The following KLHDC4 variants were observed in gnomAD, a reference collection of about 807,000 sequenced individuals.
KLHDC4 encodes kelch domain-containing protein 4.
KLHDC4 carries 90 observed loss-of-function variants against 62.4 expected under a neutral mutation model. The observed-to-expected ratio is 1.44, with a 90% confidence interval of 1.22 to 1.72. The LOEUF (loss-of-function observed/expected upper bound fraction) is 1.72. Among genes scored for constraint, KLHDC4 ranks in the 40% most tolerant of loss-of-function variants. KLHDC4 has a pLI of 0.00. For synonymous variants in KLHDC4, 386 were observed against 284.4 expected (o/e 1.36, Z -3.59); for missense variants, 1,025 against 699.7 (o/e 1.47, Z -5.25).
intron 1 of KLHDC4, among the ~76,000 whole-genome samples, chr16:87,764,891 A>G (rs1397887834): frequency 6.6e-6 from 1 of 151,600 alleles, no homozygotes. Flanking sequence ...GTCCAACTCC[A>G]TTATTTAAGA....
intron 7 of KLHDC4, among the ~76,000 whole-genome samples, chr16:87,720,465 C>G (rs2038053618): frequency 1.3e-5 from 2 of 152,222 alleles, no homozygotes; most frequent in Admixed American, 6.5e-5. Context: ...ATCAAGAGCA[C>G]AGCTCGGGCA....
intron 5 of KLHDC4, among the ~76,000 whole-genome samples, chr16:87,744,539 T>G (rs1318250318): frequency 2.0e-5 from 3 of 148,566 alleles, no homozygotes; most frequent in African/African-American, 7.5e-5. Flanking sequence ...ACCAAGATTG[T>G]GCTACTGCAC....
chr16:87,754,165 T>C (rs1485067802), intron 4 of KLHDC4, among the ~76,000 whole-genome samples: 2 of 150,000 alleles, frequency 1.3e-5, no homozygotes, highest in African/African-American at 4.9e-5. Flanking sequence ...AAGATTCAAA[T>C]GTAGAAGGCA....
chr16:87,709,822 G>A lies in KLHDC4; in HGVS notation c.1045-155C>T, dbSNP rs1046022665. On this transcript the variant is annotated intron_variant, in intron 9 of 11. Coordinates refer to ENST00000270583, the MANE Select transcript of KLHDC4 (RefSeq NM_017566.4). Reference sequence around the variant, plus strand: ...GGCGCCATCCCTGACTGCCCTGGGTGCAGGCACTGGGCTGCAGGAGCACGC... The same window carrying A: ...GGCGCCATCCCTGACTGCCCTGGGTACAGGCACTGGGCTGCAGGAGCACGC... 9.5e-6 allele frequency: 8 copies of A among 844,730 alleles called. No individual in the cohort carries two copies. In the South Asian group the frequency reaches 1.3e-4, roughly 14 times the overall value. The allele number at this position is 844,730 out of a possible 1,614,324, so 52.3% of individuals were successfully genotyped here.
At chr16:87,720,347 A>AACACAC (rs1455499319) in intron 7 of KLHDC4, among the ~76,000 whole-genome samples, 2 of 152,186 alleles carry the variant, frequency 1.3e-5, no homozygotes, top group African/African-American at 2.4e-5. Context: ...GACGTGTGTG[A>AACACAC]ACACAGAAAC....
intron 2 of KLHDC4, among the ~76,000 whole-genome samples, chr16:87,760,323 C>A (rs563763364): frequency 6.6e-6 from 1 of 150,870 alleles, no homozygotes; most frequent in East Asian, 1.9e-4. Context: ...AAAGTCTCTA[C>A]AGGGCCGGGC....
intron 5 of KLHDC4, among the ~76,000 whole-genome samples, chr16:87,737,363 A>C (rs1457352108): frequency 6.6e-6 from 1 of 151,702 alleles, no homozygotes; most frequent in Non-Finnish European, 1.5e-5. Context: ...CAAAGCAGCC[A>C]GATCACTTGA....
rs200626672 is a variant in KLHDC4, at chr16:87,762,086, G to A, written c.100-46C>T. The stretch of plus-strand genomic sequence containing the variant: ...CACGTGAGACTTATTCCCAGGACCC[G>A]CCGCGGAGCCACAGCCCGCTCAGCT... On this transcript the variant is annotated intron_variant, in intron 1 of 11. Coordinates refer to ENST00000270583, the MANE Select transcript of KLHDC4 (RefSeq NM_017566.4). 60 of 1,601,726 alleles carry A rather than the reference G, an allele frequency of 3.7e-5. 1 individual carries two copies. The highest frequency in any genetic ancestry group is 2.4e-4 in the Admixed American group (14 of 58,002).
intron 4 of KLHDC4, among the ~76,000 whole-genome samples, chr16:87,751,174 G>C (rs1312644138): frequency 6.6e-6 from 1 of 152,220 alleles, no homozygotes; most frequent in Non-Finnish European, 1.5e-5. Flanking sequence ...GCGTGAAATA[G>C]ATGCATAGAA....
chr16:87,727,543 G>A (rs974939232), intron 6 of KLHDC4, among the ~76,000 whole-genome samples: 13 of 152,270 alleles, frequency 8.5e-5, no homozygotes, highest in East Asian at 7.7e-4. Flanking sequence ...ATCACAGCGC[G>A]GCAAGGAGGC....
At chr16:87,714,967 A>G (rs558092851) in intron 7 of KLHDC4, among the ~76,000 whole-genome samples, 1 of 152,314 alleles carries the variant, frequency 6.6e-6, no homozygotes, top group East Asian at 1.9e-4. Context: ...CAGGCTTCAC[A>G]GCAGAAATCA....
chr16:87,751,998 C>G (rs1359557460), intron 4 of KLHDC4, among the ~76,000 whole-genome samples: 1 of 139,636 alleles, frequency 7.2e-6, no homozygotes, highest in Non-Finnish European at 1.5e-5. Context: ...TGGCATGAAC[C>G]CGGGAGGCAT....
intron 5 of KLHDC4, among the ~76,000 whole-genome samples, chr16:87,746,492 C>A (rs772425254): frequency 6.6e-5 from 10 of 152,210 alleles, no homozygotes; most frequent in Admixed American, 5.2e-4. Flanking sequence ...ATCAGACGCA[C>A]ACTCCACACG....
At chr16:87,754,908 G>C (rs8182186) in intron 4 of KLHDC4, among the ~76,000 whole-genome samples, 1 of 152,164 alleles carries the variant, frequency 6.6e-6, no homozygotes, top group Admixed American at 6.5e-5. Flanking sequence ...GGGCCTAGGG[G>C]GAGTGAGCAT....
intron 5 of KLHDC4, among the ~76,000 whole-genome samples, chr16:87,737,749 G>A (rs1167548488): frequency 6.6e-6 from 1 of 152,016 alleles, no homozygotes; most frequent in Non-Finnish European, 1.5e-5. Context: ...CATCATGCCT[G>A]GCTAATATTT....
exon 1 of KLHDC4, chr16:87,701,651 G>A (rs755626383): frequency 5.7e-5 from 26 of 454,014 alleles, no homozygotes; most frequent in East Asian, 3.5e-4. Context: ...ACTGCCACTC[G>A]TCCGCCTCGT....
Position 87,709,258 on chromosome 16 carries a change from G to T in KLHDC4, c.1447+7C>A. On this transcript the variant is annotated splice_region_variant and intron_variant, in intron 10 of 11. Transcript: ENST00000270583. ...CGGGCACGGAGGCACCAAGCTGCCTGGCTCACCTGGGTCCATCTCCACCAA... is the reference window on the plus strand; with the variant it reads ...CGGGCACGGAGGCACCAAGCTGCCTTGCTCACCTGGGTCCATCTCCACCAA... 6.2e-7 allele frequency: 1 copy of T among 1,602,226 alleles called. No individual in the cohort carries two copies.
intron 4 of KLHDC4, 37 bp from the exon 5 acceptor site, chr16:87,748,846 C>A (rs1352005132): frequency 6.2e-7 from 1 of 1,609,512 alleles, no homozygotes. Context: ...GGCACAGCCA[C>A]ACAGCAGAAG....
chr16:87,737,599 T>TC (rs2041555386), intron 5 of KLHDC4, among the ~76,000 whole-genome samples: 1 of 151,400 alleles, frequency 6.6e-6, no homozygotes. Context: ...TCTTTTTTTT[T>TC]TTTTTTTTGA....
Sources: gnomAD v4.1 joint callset for allele counts (sites outside exome capture counted in the v4.1 genomes callset) on GRCh38, gnomAD v4.1.1 for gene constraint, MANE v1.5 for transcripts, NCBI Gene and HGNC (gene_info 2026-07-23, HGNC 2026-07-21) for gene names.